The following KLK7 variants were observed in gnomAD, a reference collection of about 807,000 sequenced individuals.
KLK7 encodes kallikrein related peptidase 7, also known as kallikrein-7.
Under a neutral mutation model 21.0 loss-of-function variants are expected in KLK7, and 17 were observed. The ratio of observed to expected loss-of-function variants is 0.81; its 90% CI spans 0.55 to 1.21. The LOEUF (loss-of-function observed/expected upper bound fraction) is 1.21, where lower values mean the gene tolerates loss of function less well. KLK7 is among the 50% of genes most tolerant of loss of function. KLK7 has a pLI of 0.00. For synonymous variants in KLK7, 151 were observed against 134.6 expected, an observed-to-expected ratio of 1.12 and a Z score of -0.85; for missense variants, 330 against 322.8, an observed-to-expected ratio of 1.02 and a Z score of -0.17.
rs753550610 is a variant in KLK7, at chr19:50,979,846, A to G, written c.548T>C (p.Leu183Ser). ...AGCGCACAGCATGGAATTTTCCAGT[A>G]AGTCCTTGTAAACCTTCGTGCAGTC... ...PQDCTKVYKDLLENSMLCAGI... is the reference protein window; with the variant it reads ...PQDCTKVYKDSLENSMLCAGI... Residue 183 changes from leucine (L) to serine (S), a missense_variant, in exon 5 of 6, where the codon TTA (leucine) becomes TCA (serine). Physicochemically the swap from Leu to Ser is moderately radical, Grantham distance 145. Coordinates refer to ENST00000595820, the MANE Select transcript of KLK7 (RefSeq NM_005046.4). 1.5e-5 allele frequency: 23 copies of G among 1,582,668 alleles called. No individual in the cohort carries two copies. The highest frequency in any genetic ancestry group is 1.8e-5 in the Non-Finnish European group (21 of 1,163,828).
At chr19:50,979,945 A>C (rs1450470246) in intron 4 of KLK7, 21 bp from the exon 5 acceptor site, 2 of 1,587,398 alleles carry the variant, frequency 1.3e-6, no homozygotes, top group Admixed American at 1.8e-5. Flanking sequence ...GAGCAGGGAG[A>C]GCTGTCAGTC....
chr19:50,979,357 C>T (rs937378347), intron 5 of KLK7, among the ~76,000 whole-genome samples: 2 of 152,196 alleles, frequency 1.3e-5, no homozygotes, highest in African/African-American at 2.4e-5. Context: ...CTAGTACTTA[C>T]GGCAAGGGAA....
intron 1 of KLK7, 177 bp downstream of exon 1, chr19:50,983,674 C>A: frequency 1.1e-6 from 1 of 942,864 alleles, no homozygotes; most frequent in Non-Finnish European, 1.4e-6. Context: ...GGAACCCAAA[C>A]TTCTGACTCT....
At chr19:50,982,824 TC>T (rs2091100955) in intron 1 of KLK7, among the ~76,000 whole-genome samples, 1 of 63,324 alleles carries the variant, frequency 1.6e-5, no homozygotes, top group Non-Finnish European at 3.0e-5. Context: ...CAGCTCCTCC[TC>T]CCTCAGACCT....
intron 1 of KLK7, 76 bp from the exon 2 acceptor site, chr19:50,982,533 A>G (rs561181074): frequency 9.7e-7 from 1 of 1,027,958 alleles, no homozygotes; most frequent in Admixed American, 4.3e-5. Context: ...CCCTCCCCCC[A>G]CAGACCCAGG....
At chr19:50,981,369 A>C (rs1296347410) in intron 3 of KLK7, among the ~76,000 whole-genome samples, 1 of 25,912 alleles carries the variant, frequency 3.9e-5, no homozygotes, top group Non-Finnish European at 1.2e-4. Flanking sequence ...ACCCAGAGAG[A>C]GGGGGACAGA....
intron 1 of KLK7, chr19:50,983,627 A>T: frequency 2.1e-6 from 1 of 469,444 alleles, no homozygotes; most frequent in Non-Finnish European, 3.3e-6. Flanking sequence ...ATCCCTAGAG[A>T]CCCAGGAATC....
At position 50,976,491 on chromosome 19, in the gene KLK7, C is replaced by T. The variant is rs1266097328; in HGVS notation, c.*1045G>A. On this transcript the variant is annotated 3_prime_UTR_variant, in exon 6 of 6. Coordinates refer to ENST00000595820, the MANE Select transcript of KLK7 (RefSeq NM_005046.4). The stretch of plus-strand genomic sequence containing the variant: ...TCTTAGATCTTCAGACTTTTTTCCC[C>T]ACCTTTATTTTTCATGTTATAAAAG... 1 of 152,116 alleles carries T rather than the reference C, an allele frequency of 6.6e-6. No homozygotes were observed. The highest frequency in any genetic ancestry group is 1.5e-5 in the Non-Finnish European group (1 of 68,032). The allele number at this position is 152,116 out of a possible 1,614,324, so 9.4% of individuals were successfully genotyped here. A position where few individuals can be genotyped will look rare whatever the true frequency, so the allele number is the denominator to read the frequency against.
At position 50,982,540 on chromosome 19, in the gene KLK7, C is replaced by G. The variant is rs528364188; in HGVS notation, c.-58-83G>C. ...GCCCCAGCCCCTCCCCCCACAGACC[C>G]AGGAGTCCAGGCCCCAGCCCCTCCT... On this transcript the variant is annotated intron_variant, in intron 1 of 5. Transcript: ENST00000595820. The G allele has an allele frequency of 3.2e-6, 4 of 1,266,602 alleles. No individual in the cohort carries two copies. In the East Asian group the frequency reaches 1.1e-4, roughly 34 times the overall value. The allele number at this position is 1,266,602 out of a possible 1,614,324, so 78.5% of individuals were successfully genotyped here.
Position 50,977,535 on chromosome 19 carries a change from G to A in KLK7, c.*1C>T, listed in dbSNP as rs150542901. On this transcript the variant is annotated 3_prime_UTR_variant, in exon 6 of 6. Coordinates refer to ENST00000595820, the MANE Select transcript of KLK7 (RefSeq NM_005046.4). ...ACACAGTTAATTAACTCAGTGTGGC[G>A]TTAGCGATGCTTTTTCATGGTGTCA... is the stretch of plus-strand genomic sequence containing the variant. 1.5e-4 allele frequency: 235 copies of A among 1,613,498 alleles called. No homozygotes were observed. The highest frequency in any genetic ancestry group is 1.5e-3 in the African/African-American group (109 of 75,006).
At position 50,980,345 on chromosome 19, in the gene KLK7, C is replaced by A. The variant is rs768442185; in HGVS notation, c.364G>T (p.Ala122Ser). 6.2e-7 allele frequency: 1 copy of A among 1,613,906 alleles called. No individual in the cohort carries two copies. The highest frequency in any genetic ancestry group is 8.5e-7 in the Non-Finnish European group (1 of 1,179,968). Residue 122 changes from alanine (A) to serine (S), a missense_variant, in exon 4 of 6, where the codon GCC (alanine) becomes TCC (serine). Coordinates refer to ENST00000595820, the MANE Select transcript of KLK7 (RefSeq NM_005046.4). ...TTCTTCACCATGGATGACAGCCTGG[C>A]CTGGCTATTGAGCTTCACGAGCATG... ...DLMLVKLNSQ[A>S]RLSSMVKKVR...
At chr19:50,978,827 G>A (rs2091055541) in intron 5 of KLK7, among the ~76,000 whole-genome samples, 2 of 144,482 alleles carry the variant, frequency 1.4e-5, no homozygotes, top group African/African-American at 5.1e-5. Flanking sequence ...AGACAGAGAA[G>A]TGGGGGAGAG....
intron 2 of KLK7, 123 bp downstream of exon 2, chr19:50,982,204 C>A (rs564696762): frequency 7.6e-6 from 10 of 1,316,792 alleles, no homozygotes; most frequent in Non-Finnish European, 1.1e-5. Flanking sequence ...GGGCTTCAGC[C>A]GACAGTCTGG....
intron 3 of KLK7, among the ~76,000 whole-genome samples, chr19:50,981,360 C>G (rs2091084791): frequency 8.1e-6 from 1 of 122,746 alleles, no homozygotes. Context: ...CAGACAGAGA[C>G]CCAGAGAGAG....
rs988062348 is a variant in KLK7, at chr19:50,983,843, C to T, written c.-59+8G>A. 2 of 1,289,204 alleles carry T rather than the reference C, an allele frequency of 1.6e-6. No individual in the cohort carries two copies. Among genetic ancestry groups the T allele is most frequent in the African/African-American group, 3.0e-5 (2 of 65,876 alleles). The allele number at this position is 1,289,204 out of a possible 1,614,324, so 79.9% of individuals were successfully genotyped here. Reference sequence around the variant, plus strand: ...TACAGGTGCACCCTTGATGAAGCCTCTTCTCACCTCGAGAGGATCTGATGT... The same window carrying T: ...TACAGGTGCACCCTTGATGAAGCCTTTTCTCACCTCGAGAGGATCTGATGT... On this transcript the variant is annotated splice_region_variant and intron_variant, in intron 1 of 5. Coordinates refer to ENST00000595820, the MANE Select transcript of KLK7 (RefSeq NM_005046.4).
intron 1 of KLK7, among the ~76,000 whole-genome samples, chr19:50,982,870 T>C (rs1462805531): frequency 5.2e-4 from 13 of 24,892 alleles, no homozygotes; most frequent in Admixed American, 9.6e-4. Flanking sequence ...TCCCTCAGGC[T>C]CAGGAGTCCA....
intron 3 of KLK7, 105 bp from the exon 4 acceptor site, chr19:50,980,592 G>A (rs1427022535): frequency 2.2e-6 from 3 of 1,364,304 alleles, no homozygotes; most frequent in South Asian, 2.6e-5. Flanking sequence ...AGAGGAGGGG[G>A]GACAGAGACA....
intron 1 of KLK7, 46 bp downstream of exon 1, chr19:50,983,805 T>C (rs2091110130): frequency 3.1e-6 from 4 of 1,288,644 alleles, no homozygotes; most frequent in Non-Finnish European, 3.0e-6. Context: ...GGAGCCAGCA[T>C]CACCCTCTCC....
Position 50,980,386 on chromosome 19 carries a change from G to A in KLK7, c.323C>T (p.Thr108Ile). ...CACGAGCATGAGGTCATTAACATGGGTCTGTGTGGAGTAGCCGGGGTGGCG... is the reference window on the plus strand; with the variant it reads ...CACGAGCATGAGGTCATTAACATGGATCTGTGTGGAGTAGCCGGGGTGGCG... ...SFRHPGYSTQ[T>I]HVNDLMLVKL... The change falls in exon 4 of 6, where the codon ACC (threonine) becomes ATC (isoleucine). Residue 108 changes from threonine to isoleucine, a missense_variant. Coordinates refer to ENST00000595820, the MANE Select transcript of KLK7 (RefSeq NM_005046.4). 2 of 1,614,094 alleles carry A rather than the reference G, an allele frequency of 1.2e-6. No individual in the cohort carries two copies. The highest frequency in any genetic ancestry group is 1.7e-6 in the Non-Finnish European group (2 of 1,179,988).
Sources: allele counts gnomAD v4.1 joint callset (sites outside exome capture counted in the v4.1 genomes callset), GRCh38; gene constraint gnomAD v4.1.1; transcripts MANE v1.5; gene names NCBI Gene and HGNC (gene_info 2026-07-23, HGNC 2026-07-21).